ADAM10: variants seen among roughly 807,000 people sequenced by gnomAD.
ADAM10 encodes the protein ADAM metallopeptidase domain 10.
A neutral mutation model predicts 90.1 loss-of-function variants in ADAM10; 17 were observed. That is an observed-to-expected ratio of 0.19 (90% confidence interval 0.13 to 0.28). ADAM10 has a LOEUF of 0.28. Among genes scored for constraint, ADAM10 ranks in the 10% least tolerant of loss-of-function variants. ADAM10 has a pLI of 1.00. For missense variants in ADAM10, 610 were observed against 914.3 expected, an observed-to-expected ratio of 0.67 and a Z score of 4.29; for synonymous variants, 310 against 298.6, an observed-to-expected ratio of 1.04 and a Z score of -0.40.
chr15:58,636,374 C>G (rs1896251879), intron 8 of ADAM10, among the ~76,000 whole-genome samples: 1 of 151,754 alleles, frequency 6.6e-6, no homozygotes, highest in African/African-American at 2.4e-5. Context: ...CTATTTGTAA[C>G]TCTGAAAGTT....
At chr15:58,718,857 T>A (rs1898751191) in intron 1 of ADAM10, among the ~76,000 whole-genome samples, 2 of 152,136 alleles carry the variant, frequency 1.3e-5, no homozygotes, top group South Asian at 2.1e-4. Context: ...TGGTCTCCCC[T>A]GACCCTCAGC....
chr15:58,690,664 G>T (rs1897753169), intron 2 of ADAM10, among the ~76,000 whole-genome samples: 1 of 151,954 alleles, frequency 6.6e-6, no homozygotes. Flanking sequence ...AGGTGGGACA[G>T]GACCACTCAA....
chr15:58,719,961 C>A (rs2140819666), intron 1 of ADAM10, among the ~76,000 whole-genome samples: 3 of 152,224 alleles, frequency 2.0e-5, no homozygotes, highest in Middle Eastern at 6.8e-3. Flanking sequence ...TTCCCCCTTC[C>A]TCCTTTTCTT....
chr15:58,647,755 G>A (rs779119270), intron 5 of ADAM10, among the ~76,000 whole-genome samples: 9 of 152,080 alleles, frequency 5.9e-5, no homozygotes, highest in Non-Finnish European at 1.3e-4. Flanking sequence ...GTCTTCCTAT[G>A]TTGCCCAGGC....
chr15:58,600,076 TA>T (rs1364172341), intron 14 of ADAM10, among the ~76,000 whole-genome samples: 1 of 151,902 alleles, frequency 6.6e-6, no homozygotes, highest in Non-Finnish European at 1.5e-5. Context: ...CCCATGTTAT[TA>T]AATATTTTCT....
In ADAM10 at chr15:58,686,598, G is replaced by C. The variant is rs541225344; in HGVS notation, c.207-4284C>G. On this transcript the variant is annotated intron_variant, in intron 2 of 15. Transcript: ENST00000260408. ...GGAAGTAACCCCTTCTGGGAACCCA[G>C]ATCCTGTGCTTTACTCTGAAGACTC... 131 of 1,048,894 alleles carry C rather than the reference G, an allele frequency of 1.2e-4. No individual in the cohort carries two copies. In the African/African-American group the frequency reaches 1.5e-3, roughly 12 times the overall value. 65.0% of individuals were successfully genotyped at this position (1,048,894 alleles called of 1,614,324 possible). A position where few individuals can be genotyped will look rare whatever the true frequency, so the allele number is the denominator to read the frequency against.
At chr15:58,664,289 G>A (rs1031492583) in intron 5 of ADAM10, among the ~76,000 whole-genome samples, 5 of 151,946 alleles carry the variant, frequency 3.3e-5, no homozygotes, top group Admixed American at 3.3e-4. Flanking sequence ...GTTTCTCTGT[G>A]TCTCCAATTA....
At chr15:58,635,906 T>C (rs1896237630) in intron 8 of ADAM10, among the ~76,000 whole-genome samples, 1 of 152,184 alleles carries the variant, frequency 6.6e-6, no homozygotes, top group Non-Finnish European at 1.5e-5. Context: ...GAATATACTA[T>C]TCTGAAATAT....
rs770644691 is a variant in ADAM10, at chr15:58,691,364, T to C, written c.207-9050A>G. On this transcript the variant is annotated intron_variant, in intron 2 of 15. Transcript: ENST00000260408. ...ACTCATCAATGGGCTCACTCATATA[T>C]ATTACCTCGAAGCCCTTCTTCCACT... is the stretch of plus-strand genomic sequence containing the variant. The C allele has an allele frequency of 6.4e-6, 6 of 933,810 alleles. No individual in the cohort carries two copies. The East Asian group carries it at 1.2e-4, about 19-fold the overall frequency. 57.8% of individuals were successfully genotyped at this position (933,810 alleles called of 1,614,324 possible). A position where few individuals can be genotyped will look rare whatever the true frequency, so the allele number is the denominator to read the frequency against.
In ADAM10 at chr15:58,595,321, T is replaced by C. The variant is rs980792761; in HGVS notation, c.*2226A>G. On this transcript the variant is annotated 3_prime_UTR_variant, in exon 16 of 16. Coordinates refer to ENST00000260408, the MANE Select transcript of ADAM10 (RefSeq NM_001110.4). Reference sequence around the variant, plus strand: ...CTATACTTTTGTAGGAAGAGACAACTGTAAGAAAACACTGCCTTGTGGGAA... The same window carrying C: ...CTATACTTTTGTAGGAAGAGACAACCGTAAGAAAACACTGCCTTGTGGGAA... 1.3e-5 allele frequency: 2 copies of C among 152,162 alleles called. No individual in the cohort carries two copies. Among genetic ancestry groups the C allele is most frequent in the Admixed American group, 6.5e-5 (1 of 15,284 alleles). The allele number at this position is 152,162 out of a possible 1,614,324, so 9.4% of individuals were successfully genotyped here. A position where few individuals can be genotyped will look rare whatever the true frequency, so the allele number is the denominator to read the frequency against.
intron 2 of ADAM10, among the ~76,000 whole-genome samples, chr15:58,688,702 A>G (rs1897678769): frequency 6.7e-6 from 1 of 148,700 alleles, no homozygotes. Context: ...GAGAGAGGGA[A>G]AGGAATGAGA....
chr15:58,708,164 T>C (rs1165382852), intron 2 of ADAM10, among the ~76,000 whole-genome samples: 2 of 152,282 alleles, frequency 1.3e-5, no homozygotes, highest in East Asian at 3.9e-4. Flanking sequence ...GTATCTAATG[T>C]AAACCAACTG....
Position 58,632,770 on chromosome 15 carries a change from TATCA to T in ADAM10, c.1176+422_1176+425del, listed in dbSNP as rs372722560. ...CCACAGTAGAGAAAAGATTTTAAAATATCAATCTCATTCCCTAAAAATGCTTTAA... is the reference window on the plus strand; with the variant it reads ...CCACAGTAGAGAAAAGATTTTAAAATATCTCATTCCCTAAAAATGCTTTAA... On this transcript the variant is annotated intron_variant, in intron 9 of 15. Transcript: ENST00000260408. Among the ~76,000 whole-genome samples the T allele has an allele frequency of 2.8e-4, 43 of 152,332 alleles. No individual in the cohort carries two copies. In the East Asian group the frequency reaches 6.7e-3, roughly 24 times the overall value.
chr15:58,639,208 T>C (rs143670891), intron 8 of ADAM10, among the ~76,000 whole-genome samples: 42 of 152,332 alleles, frequency 2.8e-4, no homozygotes, highest in Non-Finnish European at 4.6e-4. Flanking sequence ...TGAGAACTTG[T>C]TCAAACTAAG....
chr15:58,704,494 G>A (rs1437127313), intron 2 of ADAM10, among the ~76,000 whole-genome samples: 5 of 152,032 alleles, frequency 3.3e-5, no homozygotes, highest in African/African-American at 1.2e-4. Flanking sequence ...GAAACCACAG[G>A]GCAAAAATCT....
At chr15:58,618,918 A>T (rs1432718620) in intron 11 of ADAM10, among the ~76,000 whole-genome samples, 2 of 152,224 alleles carry the variant, frequency 1.3e-5, no homozygotes, top group African/African-American at 4.8e-5. Flanking sequence ...GTGGGAATAT[A>T]AATTAGTATA....
At chr15:58,691,989 A>C in intron 2 of ADAM10, 1 of 450,364 alleles carries the variant, frequency 2.2e-6, no homozygotes, top group Non-Finnish European at 4.5e-6. Context: ...ATTTCTTAAC[A>C]ATGTTTTTGC....
At chr15:58,626,847 T>G (rs1895963051) in intron 10 of ADAM10, among the ~76,000 whole-genome samples, 1 of 152,152 alleles carries the variant, frequency 6.6e-6, no homozygotes, top group Admixed American at 6.5e-5. Context: ...GAATTTCCAT[T>G]GGGATGATGA....
chr15:58,637,315 T>C (rs761659182), intron 8 of ADAM10, among the ~76,000 whole-genome samples: 3 of 152,168 alleles, frequency 2.0e-5, no homozygotes, highest in Non-Finnish European at 4.4e-5. Flanking sequence ...GCCAGCCTCA[T>C]TCAACGACCA....
Sources: gnomAD v4.1 joint callset for allele counts (sites outside exome capture counted in the v4.1 genomes callset) on GRCh38, gnomAD v4.1.1 for gene constraint, MANE v1.5 for transcripts, NCBI Gene and HGNC (gene_info 2026-07-23, HGNC 2026-07-21) for gene names.